MDGA2: variants seen among roughly 807,000 people sequenced by gnomAD.
MDGA2 encodes the protein MAM domain-containing glycosylphosphatidylinositol anchor protein 2.
MDGA2 carries 40 observed loss-of-function variants against 117.8 expected under a neutral mutation model. The ratio of observed to expected loss-of-function variants is 0.34; its 90% CI spans 0.26 to 0.44. The LOEUF is 0.44. Among genes scored for constraint, MDGA2 ranks in the 20% least tolerant of loss-of-function variants. The pLI, the probability that MDGA2 is intolerant of heterozygous loss-of-function variation, is 1.00. For missense variants in MDGA2, 1,123 were observed against 1,250.6 expected (o/e 0.90, Z 1.54); for synonymous variants, 452 against 439.0 (o/e 1.03, Z -0.37).
intron 4 of MDGA2, among the ~76,000 whole-genome samples, chr14:47,142,228 G>C (rs1566648059): frequency 6.6e-6 from 1 of 152,140 alleles, no homozygotes; most frequent in Non-Finnish European, 1.5e-5. Context: ...TGGATTGCTT[G>C]AGGTCAGGAG....
At chr14:46,850,452 T>C (rs998576726) in intron 15 of MDGA2, among the ~76,000 whole-genome samples, 1 of 151,952 alleles carries the variant, frequency 6.6e-6, no homozygotes, top group Non-Finnish European at 1.5e-5. Flanking sequence ...CATAGTTTCT[T>C]CCTGACAAAA....
intron 1 of MDGA2, among the ~76,000 whole-genome samples, chr14:47,596,194 T>C (rs947468849): frequency 6.6e-6 from 1 of 152,198 alleles, no homozygotes; most frequent in Non-Finnish European, 1.5e-5. Flanking sequence ...TTTTATTGCA[T>C]GCTAATTATA....
chr14:46,908,677 A>G (rs1297168706), intron 10 of MDGA2, among the ~76,000 whole-genome samples: 1 of 152,184 alleles, frequency 6.6e-6, no homozygotes, highest in Non-Finnish European at 1.5e-5. Context: ...GAAGATTTCT[A>G]ATTTCTTACT....
At chr14:47,219,670 T>C (rs960662090) in intron 2 of MDGA2, among the ~76,000 whole-genome samples, 1 of 151,990 alleles carries the variant, frequency 6.6e-6, no homozygotes, top group African/African-American at 2.4e-5. Flanking sequence ...TTGGAAATGA[T>C]ATAAATGCTA....
At chr14:47,015,791 A>C (rs1473946140) in intron 8 of MDGA2, among the ~76,000 whole-genome samples, 3 of 152,138 alleles carry the variant, frequency 2.0e-5, no homozygotes, top group African/African-American at 7.2e-5. Context: ...CCAAATAAGA[A>C]GTCTGAGAAA....
chr14:47,315,921 A>AAAAAC (rs1371119545), intron 1 of MDGA2, among the ~76,000 whole-genome samples: 1 of 146,770 alleles, frequency 6.8e-6, no homozygotes, highest in African/African-American at 2.6e-5. Flanking sequence ...GTATTGGCAA[A>AAAAAC]AAAACAAAAC....
At chr14:47,498,280 T>C (rs896390727) in intron 1 of MDGA2, among the ~76,000 whole-genome samples, 1 of 152,204 alleles carries the variant, frequency 6.6e-6, no homozygotes, top group Non-Finnish European at 1.5e-5. Flanking sequence ...ATAATCCTTT[T>C]CATTTCCATA....
chr14:47,135,982 G>A (rs775988150), intron 4 of MDGA2, among the ~76,000 whole-genome samples: 5 of 151,998 alleles, frequency 3.3e-5, no homozygotes, highest in Admixed American at 6.6e-5. Flanking sequence ...GGCTATGATC[G>A]CAGATTTATA....
intron 1 of MDGA2, among the ~76,000 whole-genome samples, chr14:47,367,614 T>C (rs527391349): frequency 6.6e-6 from 1 of 152,358 alleles, no homozygotes; most frequent in East Asian, 1.9e-4. Context: ...GAGGTTTCCA[T>C]GGGCAAGCCA....
intron 7 of MDGA2, 37 bp downstream of exon 7, chr14:47,061,212 G>A: frequency 1.3e-6 from 2 of 1,538,170 alleles, no homozygotes; most frequent in East Asian, 4.5e-5. Flanking sequence ...CATTCTAAAT[G>A]TGAACATCTT....
At chr14:47,600,715 C>T (rs900556195) in intron 1 of MDGA2, among the ~76,000 whole-genome samples, 1 of 137,622 alleles carries the variant, frequency 7.3e-6, no homozygotes, top group Admixed American at 6.9e-5. Context: ...CTTTTCTCAT[C>T]GGATCATTAA....
chr14:47,050,212 C>T (rs1448302450), intron 7 of MDGA2, among the ~76,000 whole-genome samples: 2 of 151,974 alleles, frequency 1.3e-5, no homozygotes, highest in Admixed American at 6.6e-5. Flanking sequence ...TACTTAGTAA[C>T]TGTGGTGTCA....
intron 1 of MDGA2, among the ~76,000 whole-genome samples, chr14:47,350,597 G>A (rs778836321): frequency 6.6e-6 from 1 of 152,206 alleles, no homozygotes; most frequent in Admixed American, 6.5e-5. Flanking sequence ...GCGCGCACAC[G>A]TGGGAGTGTA....
intron 1 of MDGA2, among the ~76,000 whole-genome samples, chr14:47,320,238 T>A (rs1230518547): frequency 2.0e-5 from 3 of 152,120 alleles, no homozygotes; most frequent in African/African-American, 7.2e-5. Flanking sequence ...AATTTGTGGC[T>A]GGGTGTGGTG....
chr14:47,619,914 G>GA (rs1242462615), intron 1 of MDGA2, among the ~76,000 whole-genome samples: 1 of 152,180 alleles, frequency 6.6e-6, no homozygotes, highest in Non-Finnish European at 1.5e-5. Flanking sequence ...CTCACAGATT[G>GA]ATCTGTTGTT....
intron 1 of MDGA2, among the ~76,000 whole-genome samples, chr14:47,657,381 G>A (rs1282446440): frequency 6.6e-6 from 1 of 152,082 alleles, no homozygotes; most frequent in Non-Finnish European, 1.5e-5. Context: ...GACACAAAAG[G>A]GAAGAAGCCG....
chr14:46,992,624 T>C (rs1386150189), intron 8 of MDGA2, among the ~76,000 whole-genome samples: 2 of 152,200 alleles, frequency 1.3e-5, no homozygotes, highest in Non-Finnish European at 2.9e-5. Flanking sequence ...AAGAATAGAA[T>C]ATTCTATCAT....
At chr14:47,554,204 T>G in intron 1 of MDGA2, among the ~76,000 whole-genome samples, 1 of 152,212 alleles carries the variant, frequency 6.6e-6, no homozygotes, top group East Asian at 1.9e-4. Context: ...GCCATCTGAC[T>G]GTCTCTGATG....
intron 1 of MDGA2, among the ~76,000 whole-genome samples, chr14:47,472,894 T>C (rs865929885): frequency 1.3e-5 from 2 of 152,132 alleles, no homozygotes; most frequent in Admixed American, 1.3e-4. Context: ...CAGGAGTGTC[T>C]GGCTTTTTTT....
Sources: allele counts gnomAD v4.1 joint callset (sites outside exome capture counted in the v4.1 genomes callset), GRCh38; gene constraint gnomAD v4.1.1; transcripts MANE v1.5; gene names NCBI Gene and HGNC (gene_info 2026-07-23, HGNC 2026-07-21).